Variants in BCOR observed in about 807,000 individuals in gnomAD.
BCOR encodes BCL-6 corepressor.
A neutral mutation model predicts 86.7 loss-of-function variants in BCOR; 10 were observed. The ratio of observed to expected loss-of-function variants is 0.12; its 90% confidence interval spans 0.07 to 0.20. The LOEUF (loss-of-function observed/expected upper bound fraction) is 0.20, where lower values mean the gene tolerates loss of function less well. Among genes scored for constraint, BCOR ranks in the 10% least tolerant of loss-of-function variants. The pLI is 1.00. For missense variants in BCOR, 1,259 were observed against 1,452.1 expected, an observed-to-expected ratio of 0.87 and a Z score of 2.16; for synonymous variants, 611 against 609.0, an observed-to-expected ratio of 1.00 and a Z score of -0.05.
chrX:40,152,732 GA>G (rs1330028082), intron 1 of BCOR, among the ~76,000 whole-genome samples: 1 of 112,882 alleles, frequency 8.9e-6, no homozygotes, highest in African/African-American at 3.2e-5. Flanking sequence ...GGAGGGGAGG[GA>G]GTCAGCGCCT....
At chrX:40,131,124 C>T (rs1937596819) in intron 1 of BCOR, among the ~76,000 whole-genome samples, 1 of 112,234 alleles carries the variant, frequency 8.9e-6, no homozygotes. Context: ...AGATGACCCT[C>T]CTGGGCCCCA....
rs1936961988 is a variant in BCOR, at chrX:40,097,727, TGTGA to T, written c.-557_-554del. Among the ~76,000 whole-genome samples, 1 of 109,070 alleles carries T rather than the reference TGTGA, an allele frequency of 9.2e-6. No individual in the cohort carries two copies. Among genetic ancestry groups the T allele is most frequent in the African/African-American group, 3.3e-5 (1 of 29,947 alleles). 94.7% of individuals were successfully genotyped at this position (109,070 alleles called of 115,157 possible). ...CGAGCGCCCGCTCGGGCTGGGTGTGTGTGAGTGTGTGTGAGTGTTGGCCAAGTCG... is the reference window on the plus strand; with the variant it reads ...CGAGCGCCCGCTCGGGCTGGGTGTGTGTGTGTGTGAGTGTTGGCCAAGTCG... On this transcript the variant is annotated 5_prime_UTR_variant, in exon 1 of 15. Transcript: ENST00000378444.
At chrX:40,156,746 GC>G (rs1348446604) in intron 1 of BCOR, among the ~76,000 whole-genome samples, 1 of 103,258 alleles carries the variant, frequency 9.7e-6, no homozygotes, top group Non-Finnish European at 2.0e-5. Flanking sequence ...GCGCCCCGGG[GC>G]CCCCCGCCGG....
At chrX:40,096,786 C>T (rs1936898443) in intron 1 of BCOR, among the ~76,000 whole-genome samples, 1 of 112,543 alleles carries the variant, frequency 8.9e-6, no homozygotes, top group Non-Finnish European at 1.9e-5. Context: ...CGCTGCCCTC[C>T]CCTTCCTGCT....
chrX:40,051,615 C>CTACT lies in BCOR; in HGVS notation c.*490_*493dup, dbSNP rs1934302138. The CTACT allele has an allele frequency of 5.7e-6, 1 of 174,862 alleles. No homozygotes were observed. The highest frequency in any genetic ancestry group is 1.1e-5 in the Non-Finnish European group (1 of 91,775). 14.4% of individuals were successfully genotyped at this position (174,862 alleles called of 1,213,427 possible). On this transcript the variant is annotated 3_prime_UTR_variant, in exon 15 of 15. Coordinates refer to ENST00000378444, the MANE Select transcript of BCOR (RefSeq NM_001123385.2). The stretch of plus-strand genomic sequence containing the variant: ...ATATGGTTTGAATTTATATTACACA[C>CTACT]TACTGGATTACATCCAATAGCATTT...
rs1481778049 is a variant in BCOR at position 40,072,701 on chromosome X, C to T, written c.2645G>A (p.Ser882Asn). The change falls in exon 4 of 15, where the codon AGT becomes AAT. Residue 882 changes from serine to asparagine, a missense_variant. Physicochemically the swap from Ser to Asn is conservative, Grantham distance 46. This residue lies in a region of BCOR where 534 missense variants were observed against 594.8 expected (regional missense o/e 0.90). Coordinates refer to ENST00000378444, the MANE Select transcript of BCOR (RefSeq NM_001123385.2). The stretch of plus-strand genomic sequence containing the variant: ...CTCTTTGTTGGTACCTGCCAGAACA[C>T]TGTCCTTGCTTACGGTGAAGACTGG... Reference protein sequence around the residue: ...KQPVFTVSKDSVLAGTNKENL... With the variant: ...KQPVFTVSKDNVLAGTNKENL... 1.7e-6 allele frequency: 2 copies of T among 1,210,507 alleles called. No homozygotes were observed. The highest frequency in any genetic ancestry group is 2.2e-6 in the Non-Finnish European group (2 of 895,369).
rs771180023 is a variant in BCOR, at chrX:40,103,187, C to T, written c.-40-25218G>A. 3.6e-5 allele frequency among the ~76,000 whole-genome samples: 4 copies of T among 111,312 alleles called. No homozygotes were observed. In the East Asian group the frequency reaches 1.1e-3, roughly 31 times the overall value. ...AGGGAGGAGGCTAATGCATAATGCA[C>T]AGCGCCTGGAAGCCCGGCCATTAGC... is the stretch of plus-strand genomic sequence containing the variant. On this transcript the variant is annotated intron_variant, in intron 1 of 14. Transcript: ENST00000342274.
intron 1 of BCOR, among the ~76,000 whole-genome samples, chrX:40,129,244 G>A (rs186834457): frequency 6.3e-4 from 70 of 111,490 alleles, no homozygotes; most frequent in African/African-American, 2.2e-3. Context: ...CTAGCACTTT[G>A]GGAGGCTGAG....
In BCOR at chrX:40,052,141, G is replaced by A. The variant is rs1199969872; in HGVS notation, c.5236C>T (p.Pro1746Ser). The stretch of plus-strand genomic sequence containing the variant: ...TAGTTGTCTGAGGCCAGATCACTGG[G>A]GTGGAGCCACTCTACAGAGGAGCCC... ...LLGSSVEWLH[P>S]SDLASDNYW The change falls in exon 15 of 15, where the codon CCC becomes TCC. Residue 1746 changes from proline to serine, a missense_variant. Physicochemically the swap from Pro to Ser is moderately conservative, Grantham distance 74. Around this residue, in one of 7 missense-constraint regions of BCOR, gnomAD observed 137 missense variants for 149.8 expected, o/e 0.91. Transcript: ENST00000378444. 1 of 1,200,441 alleles carries A rather than the reference G, an allele frequency of 8.3e-7. No individual in the cohort carries two copies. Among genetic ancestry groups the A allele is most frequent in the Non-Finnish European group, 1.1e-6 (1 of 889,938 alleles).
chrX:40,116,189 C>T (rs1187748632), intron 1 of BCOR, among the ~76,000 whole-genome samples: 1 of 112,014 alleles, frequency 8.9e-6, no homozygotes, highest in African/African-American at 3.2e-5. Flanking sequence ...TTAATAATCT[C>T]ATGTCATATA....
intron 11 of BCOR, among the ~76,000 whole-genome samples, chrX:40,055,982 T>C (rs996429356): frequency 9.2e-6 from 1 of 108,895 alleles, no homozygotes; most frequent in Non-Finnish European, 1.9e-5. Flanking sequence ...CCACCACACC[T>C]GGCTAATTTT....
intron 1 of BCOR, among the ~76,000 whole-genome samples, chrX:40,141,087 AG>A (rs1176595607): frequency 9.0e-6 from 1 of 111,358 alleles, no homozygotes; most frequent in Non-Finnish European, 1.9e-5. Context: ...TAGAAGGGGG[AG>A]GGGGTGGTCT....
chrX:40,114,373 A>G (rs1937361411), intron 1 of BCOR, among the ~76,000 whole-genome samples: 1 of 111,405 alleles, frequency 9.0e-6, no homozygotes, highest in Admixed American at 9.6e-5. Context: ...GGAGGAGCCA[A>G]GTGACCTGGT....
chrX:40,097,922 C>G lies in BCOR; in HGVS notation c.-748G>C, dbSNP rs892676230. On this transcript the variant is annotated 5_prime_UTR_variant, in exon 1 of 15. Transcript: ENST00000378444. Reference sequence around the variant, plus strand: ...CCCGCGTTCAGCGAGGAGCGCAGCTCTGCCTCACCTTGCCGCTGGGAGCCC... The same window carrying G: ...CCCGCGTTCAGCGAGGAGCGCAGCTGTGCCTCACCTTGCCGCTGGGAGCCC... Among the ~76,000 whole-genome samples, 7 of 110,743 alleles carry G rather than the reference C, an allele frequency of 6.3e-5. No homozygotes were observed. The highest frequency in any genetic ancestry group is 5.6e-4 in the Admixed American group (6 of 10,727).
At position 40,056,455 on chromosome X, in the gene BCOR, T is replaced by C. The variant is rs747999583; in HGVS notation, c.4595+700A>G. On this transcript the variant is annotated intron_variant, in intron 11 of 14. Coordinates refer to ENST00000378444, the MANE Select transcript of BCOR (RefSeq NM_001123385.2). ...GAAGAAACAGGCCTGGTGGGGTGTG[T>C]TCTCAGCAGGATACAGAGGCCTCCT... Among the ~76,000 whole-genome samples the C allele has an allele frequency of 9.2e-4, 102 of 110,735 alleles. 1 individual carries two copies. The highest frequency in any genetic ancestry group is 1.7e-3 in the Non-Finnish European group (90 of 52,840).
At position 40,054,633 on chromosome X, in the gene BCOR, G is replaced by A. The variant is rs1172522886; in HGVS notation, c.4742-300C>T. On this transcript the variant is annotated intron_variant, in intron 12 of 14. Coordinates refer to ENST00000378444, the MANE Select transcript of BCOR (RefSeq NM_001123385.2). ...GGATTCTCCTGCCTCAGCCTCCCAA[G>A]CTGGGACTAGAGGCGCCCACCACCA... Among the ~76,000 whole-genome samples, 3 of 110,793 alleles carry A rather than the reference G, an allele frequency of 2.7e-5. No individual in the cohort carries two copies. In the Admixed American group the frequency reaches 2.9e-4, roughly 11 times the overall value.
intron 1 of BCOR, among the ~76,000 whole-genome samples, chrX:40,169,875 AACCCTGGTCCAAG>A (rs1010966128): frequency 9.0e-6 from 1 of 111,093 alleles, no homozygotes; most frequent in African/African-American, 3.3e-5. Context: ...GACCAGGGTT[AACCCTGGTCCAAG>A]GCCCCAAGGC....
chrX:40,074,054 G>T lies in BCOR; in HGVS notation c.1292C>A (p.Thr431Asn), dbSNP rs1239618544. The T allele has an allele frequency of 8.3e-7, 1 of 1,212,013 alleles. No homozygotes were observed. The highest frequency in any genetic ancestry group is 3.0e-5 in the East Asian group (1 of 33,840). The change falls in exon 4 of 15, where the codon ACC (threonine) becomes AAC (asparagine). Residue 431 changes from threonine (T) to asparagine (N), a missense_variant. Physicochemically the swap from Thr to Asn is moderately conservative, Grantham distance 65 (BLOSUM62 0). This residue lies in a region of BCOR where 534 missense variants were observed against 594.8 expected (regional missense o/e 0.90). Transcript: ENST00000378444. ...CTTATCTGTGACGTCTTTGGTAACG[G>T]TCTGCTTCTCCAACAGAGGAGGTGA... is the stretch of plus-strand genomic sequence containing the variant. Reference protein sequence around the residue: ...GSSPPLLEKQTVTKDVTDKPL... With the variant: ...GSSPPLLEKQNVTKDVTDKPL...
Position 40,052,325 on chromosome X carries a change from A to C in BCOR, c.5052T>G (p.Phe1684Leu). The C allele has an allele frequency of 8.3e-7, 1 of 1,212,100 alleles. No homozygotes were observed. Among genetic ancestry groups the C allele is most frequent in the Non-Finnish European group, 1.1e-6 (1 of 895,461 alleles). The change falls in exon 15 of 15, where the codon TTT becomes TTG. Residue 1684 changes from phenylalanine (F) to leucine (L), a missense_variant. By Grantham distance (22) the Phe-to-Leu change is conservative. Coordinates refer to ENST00000378444, the MANE Select transcript of BCOR (RefSeq NM_001123385.2). ...KMSSRIFRCN[F>L]PNVEIVTIAE... ...CAATGGTGACAATTTCCACGTTTGG[A>C]AAATTGCAGCGAAATATGCGGGAGG...
Sources: allele counts gnomAD v4.1 joint callset (sites outside exome capture counted in the v4.1 genomes callset), GRCh38; gene constraint gnomAD v4.1.1; regional missense constraint gnomAD v4.1.1; transcripts MANE v1.5; gene names NCBI Gene and HGNC (gene_info 2026-07-23, HGNC 2026-07-21).